RNF180: variants seen among roughly 807,000 people sequenced by gnomAD.
RNF180 encodes ring finger protein 180, also known as E3 ubiquitin-protein ligase RNF180.
RNF180 carries 38 observed loss-of-function variants against 59.2 expected under a neutral mutation model. The observed-to-expected ratio is 0.64, with a 90% CI of 0.50 to 0.84. The LOEUF (loss-of-function observed/expected upper bound fraction) is 0.84. RNF180 is among the 40% of genes least tolerant of loss of function. RNF180 has a pLI of 0.00. For synonymous variants in RNF180, 262 were observed against 240.3 expected, an observed-to-expected ratio of 1.09 and a Z score of -0.84; for missense variants, 705 against 700.9, an observed-to-expected ratio of 1.01 and a Z score of -0.07.
At chr5:64,317,384 TGATA>T (rs1201933677) in intron 5 of RNF180, among the ~76,000 whole-genome samples, 5 of 152,084 alleles carry the variant, frequency 3.3e-5, no homozygotes, top group South Asian at 2.1e-4. Flanking sequence ...AAAAAAATAC[TGATA>T]GATATTAAAT....
chr5:64,320,046 T>C (rs1399605010), intron 5 of RNF180, among the ~76,000 whole-genome samples: 1 of 152,192 alleles, frequency 6.6e-6, no homozygotes, highest in Non-Finnish European at 1.5e-5. Context: ...CTATTAAAAA[T>C]GCAAATTCTC....
At chr5:64,246,516 A>T (rs1219313774) in intron 5 of RNF180, among the ~76,000 whole-genome samples, 2 of 152,210 alleles carry the variant, frequency 1.3e-5, no homozygotes, top group African/African-American at 2.4e-5. Flanking sequence ...TCTAGAAGAA[A>T]TGGATAAATT....
At chr5:64,238,316 CTATT>C (rs1742574541) in intron 5 of RNF180, among the ~76,000 whole-genome samples, 1 of 152,148 alleles carries the variant, frequency 6.6e-6, no homozygotes, top group East Asian at 1.9e-4. Context: ...AATCTAATAT[CTATT>C]TGAGATCCTG....
intron 5 of RNF180, among the ~76,000 whole-genome samples, chr5:64,228,802 A>G (rs572542788): frequency 5.9e-4 from 90 of 152,158 alleles, no homozygotes; most frequent in African/African-American, 2.1e-3. Context: ...CCAACAGACC[A>G]TATAGCCAAG....
rs116240675 is a variant in RNF180, at chr5:64,298,114, G to A, written c.1228-27072G>A. Among the ~76,000 whole-genome samples the A allele has an allele frequency of 5.9e-3, 901 of 152,120 alleles. 8 individuals carry two copies. The highest frequency in any genetic ancestry group is 4.6e-3 in the Non-Finnish European group (310 of 67,980). Reference sequence around the variant, plus strand: ...TCCCACTTATAATTGAGAACATGTAGTATTTGGTTTTCTACTCCTGCATTA... The same window carrying A: ...TCCCACTTATAATTGAGAACATGTAATATTTGGTTTTCTACTCCTGCATTA... On this transcript the variant is annotated intron_variant, in intron 5 of 7. Coordinates refer to ENST00000389100, the MANE Select transcript of RNF180 (RefSeq NM_001113561.2).
chr5:64,267,770 A>G (rs1744770787), intron 5 of RNF180, among the ~76,000 whole-genome samples: 1 of 152,192 alleles, frequency 6.6e-6, no homozygotes, highest in African/African-American at 2.4e-5. Flanking sequence ...AAGGCATTAA[A>G]TAGAAGTATC....
rs577985084 is a variant in RNF180 at position 64,355,056 on chromosome 5, G to A, written c.1580-14559G>A. On this transcript the variant is annotated intron_variant, in intron 7 of 7. Coordinates refer to ENST00000389100, the MANE Select transcript of RNF180 (RefSeq NM_001113561.2). Reference sequence around the variant, plus strand: ...AACCACTGCTATTCAACATTGTGCTGGAAACTCTAGCTGGAACAATTTGAT... The same window carrying A: ...AACCACTGCTATTCAACATTGTGCTAGAAACTCTAGCTGGAACAATTTGAT... Among the ~76,000 whole-genome samples the A allele has an allele frequency of 1.8e-4, 28 of 151,790 alleles. 1 individual carries two copies. The highest frequency in any genetic ancestry group is 1.8e-3 in the Admixed American group (28 of 15,186).
At chr5:64,263,714 T>A (rs1425525125) in intron 5 of RNF180, among the ~76,000 whole-genome samples, 2 of 152,192 alleles carry the variant, frequency 1.3e-5, no homozygotes, top group African/African-American at 4.8e-5. Context: ...GTTTTTTTAA[T>A]TTATTATTTG....
intron 5 of RNF180, among the ~76,000 whole-genome samples, chr5:64,267,330 T>C (rs899444157): frequency 2.6e-5 from 4 of 152,038 alleles, no homozygotes; most frequent in Non-Finnish European, 5.9e-5. Flanking sequence ...TTTTTTTCAC[T>C]TTGATTCTTT....
chr5:64,270,563 G>A (rs141315311), intron 5 of RNF180, among the ~76,000 whole-genome samples: 158 of 152,188 alleles, frequency 1.0e-3, no homozygotes, highest in African/African-American at 3.7e-3. Context: ...AGTTCTGTGA[G>A]GGAAGTGGCA....
intron 5 of RNF180, among the ~76,000 whole-genome samples, chr5:64,218,226 T>C (rs1445852142): frequency 6.6e-6 from 1 of 152,176 alleles, no homozygotes; most frequent in African/African-American, 2.4e-5. Flanking sequence ...TCTCCTATGG[T>C]TTCTTCAAAA....
chr5:64,206,413 G>C lies in RNF180; in HGVS notation c.135+5471G>C, dbSNP rs538492811. Among the ~76,000 whole-genome samples, 9 of 152,294 alleles carry C rather than the reference G, an allele frequency of 5.9e-5. No homozygotes were observed. The South Asian group carries it at 1.9e-3, about 32-fold the overall frequency. On this transcript the variant is annotated intron_variant, in intron 2 of 7. Transcript: ENST00000389100. ...GAATAGGACTGATGAATGTTGAATT[G>C]ATTATTAGAGTATATACCTCCTCCC...
At chr5:64,173,110 A>G (rs1309293523) in intron 1 of RNF180, among the ~76,000 whole-genome samples, 2 of 152,208 alleles carry the variant, frequency 1.3e-5, no homozygotes, top group African/African-American at 4.8e-5. Context: ...AATCATATTA[A>G]CCAAAACCAA....
intron 1 of RNF180, among the ~76,000 whole-genome samples, chr5:64,195,445 C>G (rs1336952285): frequency 6.6e-6 from 1 of 152,154 alleles, no homozygotes; most frequent in East Asian, 1.9e-4. Context: ...GGGGTGTGTT[C>G]TCCCCAGTTC....
chr5:64,358,980 C>A lies in RNF180; in HGVS notation c.1580-10635C>A, dbSNP rs7734282. ...GACATGAACTCATCATTTTTTATGGCTGCATAGTATTCCATGGTGTATATG... is the reference window on the plus strand; with the variant it reads ...GACATGAACTCATCATTTTTTATGGATGCATAGTATTCCATGGTGTATATG... On this transcript the variant is annotated intron_variant, in intron 7 of 7. Coordinates refer to ENST00000389100, the MANE Select transcript of RNF180 (RefSeq NM_001113561.2). Among the ~76,000 whole-genome samples, 1,221 of 151,402 alleles carry A rather than the reference C, an allele frequency of 8.1e-3. 16 individuals are homozygous for A. The highest frequency in any genetic ancestry group is 0.028 in the African/African-American group (1,167 of 41,258).
At chr5:64,334,720 A>G (rs568325033) in intron 7 of RNF180, among the ~76,000 whole-genome samples, 3 of 152,292 alleles carry the variant, frequency 2.0e-5, no homozygotes, top group African/African-American at 7.2e-5. Flanking sequence ...TCTCAAATCC[A>G]TTTCAGTAAG....
intron 5 of RNF180, among the ~76,000 whole-genome samples, chr5:64,299,293 A>G (rs777298973): frequency 7.9e-5 from 12 of 151,906 alleles, no homozygotes; most frequent in African/African-American, 1.2e-4. Context: ...GTCTGAGTAG[A>G]TTAATTTTTC....
intron 5 of RNF180, among the ~76,000 whole-genome samples, chr5:64,237,999 T>G (rs1742553206): frequency 6.6e-6 from 1 of 152,198 alleles, no homozygotes; most frequent in South Asian, 2.1e-4. Flanking sequence ...TTATCCAGTC[T>G]CAGGTAGTAT....
chr5:64,228,077 CCT>C (rs369064702), intron 5 of RNF180, among the ~76,000 whole-genome samples: 159 of 152,286 alleles, frequency 1.0e-3, no homozygotes, highest in African/African-American at 3.7e-3. Flanking sequence ...GGAATCCTCT[CCT>C]TGGCTCAGCA....
Sources: gnomAD v4.1 joint callset for allele counts (sites outside exome capture counted in the v4.1 genomes callset) on GRCh38, gnomAD v4.1.1 for gene constraint, MANE v1.5 for transcripts, NCBI Gene and HGNC (gene_info 2026-07-23, HGNC 2026-07-21) for gene names.